The following SNX29 variants were observed in gnomAD, a reference collection of about 807,000 sequenced individuals.
SNX29 encodes sorting nexin 29.
A neutral mutation model predicts 102.1 loss-of-function variants in SNX29; 78 were observed. That is an observed-to-expected ratio of 0.76 (90% CI 0.64 to 0.92). SNX29 has a LOEUF of 0.92. Among genes scored for constraint, SNX29 ranks in the 40% least tolerant of loss-of-function variants. The probability of loss-of-function intolerance (pLI) is 0.00; values close to 1 mark genes in which losing one functional copy is unlikely to be tolerated. For synonymous variants in SNX29, 580 were observed against 414.5 expected (o/e 1.40, Z -4.85); for missense variants, 1,280 against 1,061.7 (o/e 1.21, Z -2.86).
chr16:12,414,557 C>T (rs1010771186), intron 18 of SNX29, among the ~76,000 whole-genome samples: 9 of 152,282 alleles, frequency 5.9e-5, no homozygotes, highest in South Asian at 4.1e-4. Flanking sequence ...GTGATTCCCC[C>T]GGTCTCTTTC....
intron 4 of SNX29, among the ~76,000 whole-genome samples, chr16:12,029,212 GA>G (rs1213399767): frequency 1.3e-5 from 2 of 151,344 alleles, no homozygotes; most frequent in African/African-American, 4.9e-5. Flanking sequence ...CTCATTTGTA[GA>G]AATGAGTTGT....
At chr16:12,552,483 C>T (rs1465655866) in intron 20 of SNX29, among the ~76,000 whole-genome samples, 1 of 152,166 alleles carries the variant, frequency 6.6e-6, no homozygotes, top group Non-Finnish European at 1.5e-5. Flanking sequence ...AACGATTGGG[C>T]CTCAGGAATC....
intron 20 of SNX29, among the ~76,000 whole-genome samples, chr16:12,532,988 C>T (rs936184233): frequency 3.3e-5 from 5 of 152,226 alleles, no homozygotes; most frequent in Non-Finnish European, 4.4e-5. Flanking sequence ...GCTGTGGTGG[C>T]ATCCCTGAGC....
chr16:12,502,832 G>A lies in SNX29; in HGVS notation c.2179-21870G>A, dbSNP rs569099794. Among the ~76,000 whole-genome samples the A allele has an allele frequency of 3.3e-5, 5 of 152,244 alleles. No homozygotes were observed. The South Asian group carries it at 8.3e-4, about 25-fold the overall frequency. On this transcript the variant is annotated intron_variant, in intron 19 of 20. Coordinates refer to ENST00000566228, the MANE Select transcript of SNX29 (RefSeq NM_032167.5). ...TTTCGTATCACATTGCGGTTGCTGCGATGTTTCCAGCCATCATTAAAGCTC... is the reference window on the plus strand; with the variant it reads ...TTTCGTATCACATTGCGGTTGCTGCAATGTTTCCAGCCATCATTAAAGCTC...
At chr16:12,337,603 A>C (rs1030646045) in intron 15 of SNX29, among the ~76,000 whole-genome samples, 2 of 152,178 alleles carry the variant, frequency 1.3e-5, no homozygotes, top group African/African-American at 4.8e-5. Context: ...CGGCCTGCGA[A>C]AGTGCTAGGA....
At position 12,143,105 on chromosome 16, in the gene SNX29, C is replaced by T. The variant is rs4781185; in HGVS notation, c.1595+13347C>T. On this transcript the variant is annotated intron_variant, in intron 13 of 20. Transcript: ENST00000566228. The stretch of plus-strand genomic sequence containing the variant: ...CTCTGCCTCCTGGGTGCAAGCGATT[C>T]TCCTGCCTCAGCCTCCTGAGTACCT... 3.0e-3 allele frequency among the ~76,000 whole-genome samples: 461 copies of T among 152,024 alleles called. 11 individuals are homozygous for T. Among genetic ancestry groups the T allele is most frequent in the Admixed American group, 0.028 (431 of 15,278 alleles).
At chr16:12,538,596 G>C (rs1406209636) in intron 20 of SNX29, among the ~76,000 whole-genome samples, 1 of 152,174 alleles carries the variant, frequency 6.6e-6, no homozygotes, top group African/African-American at 2.4e-5. Flanking sequence ...CTGGGAATCA[G>C]TAGGTGGATG....
At chr16:12,565,520 C>T (rs1178853337) in intron 20 of SNX29, among the ~76,000 whole-genome samples, 2 of 152,204 alleles carry the variant, frequency 1.3e-5, no homozygotes, top group African/African-American at 2.4e-5. Flanking sequence ...CATGGCTCTG[C>T]TCCACATGGC....
chr16:12,410,711 G>C (rs1374128898), intron 18 of SNX29, among the ~76,000 whole-genome samples: 1 of 152,194 alleles, frequency 6.6e-6, no homozygotes, highest in Non-Finnish European at 1.5e-5. Context: ...TGGGATTACA[G>C]GTGCAAGCCA....
intron 13 of SNX29, among the ~76,000 whole-genome samples, chr16:12,172,234 T>C (rs1396478627): frequency 6.6e-6 from 1 of 152,106 alleles, no homozygotes; most frequent in Non-Finnish European, 1.5e-5. Context: ...AAAAGGAAGA[T>C]GGCAAACTCT....
intron 18 of SNX29, among the ~76,000 whole-genome samples, chr16:12,477,011 C>T (rs2087685886): frequency 6.6e-6 from 1 of 152,184 alleles, no homozygotes; most frequent in South Asian, 2.1e-4. Context: ...TCCTGCTTCT[C>T]TGTTTTTCCT....
intron 20 of SNX29, among the ~76,000 whole-genome samples, chr16:12,547,930 C>CA (rs1424166808): frequency 6.6e-6 from 1 of 152,162 alleles, no homozygotes; most frequent in Non-Finnish European, 1.5e-5. Context: ...AGGGATACCT[C>CA]AATTCCCAGT....
At chr16:12,408,181 A>AAAAAAAAAAAAC (rs1567533282) in intron 18 of SNX29, among the ~76,000 whole-genome samples, 1 of 148,662 alleles carries the variant, frequency 6.7e-6, no homozygotes, top group African/African-American at 2.5e-5. Context: ...AACAAACAAA[A>AAAAAAAAAAAAC]AAAAAACTAG....
chr16:12,540,295 C>G (rs76856542), intron 20 of SNX29, among the ~76,000 whole-genome samples: 25 of 152,216 alleles, frequency 1.6e-4, no homozygotes, highest in African/African-American at 4.6e-4. Context: ...AGAGGCATTA[C>G]GGGGTGGCCC....
At position 12,047,252 on chromosome 16, in the gene SNX29, T is replaced by C. The variant is rs1284678518; in HGVS notation, c.499+798T>C. Among the ~76,000 whole-genome samples the C allele has an allele frequency of 2.0e-5, 3 of 152,174 alleles. 1 individual carries two copies. Among genetic ancestry groups the C allele is most frequent in the African/African-American group, 7.2e-5 (3 of 41,430 alleles). The stretch of plus-strand genomic sequence containing the variant: ...GGGTTGATGTTAGTCGGTGGACTGT[T>C]ACGTTGTTCGCCCTTTGACTCAAAG... On this transcript the variant is annotated intron_variant, in intron 6 of 20. Transcript: ENST00000566228.
At chr16:12,308,744 T>C (rs2080432331) in intron 15 of SNX29, among the ~76,000 whole-genome samples, 3 of 152,034 alleles carry the variant, frequency 2.0e-5, no homozygotes, top group Non-Finnish European at 4.4e-5. Context: ...TAAACACGAG[T>C]CCATCAGTTT....
At chr16:12,009,319 G>T (rs1221856414) in intron 3 of SNX29, among the ~76,000 whole-genome samples, 1 of 151,922 alleles carries the variant, frequency 6.6e-6, no homozygotes, top group Non-Finnish European at 1.5e-5. Context: ...GAGCCTAAAT[G>T]GTGCACCGTA....
At chr16:12,212,161 T>G (rs1179551242) in intron 14 of SNX29, among the ~76,000 whole-genome samples, 1 of 152,178 alleles carries the variant, frequency 6.6e-6, no homozygotes, top group East Asian at 1.9e-4. Flanking sequence ...GCAGCCTCTG[T>G]GTGACTGGCT....
At chr16:12,191,421 C>A (rs147825929) in intron 13 of SNX29, among the ~76,000 whole-genome samples, 2 of 152,282 alleles carry the variant, frequency 1.3e-5, no homozygotes, top group Non-Finnish European at 2.9e-5. Context: ...CATGACTTAC[C>A]TCCTCTGTAG....
Sources: gnomAD v4.1 joint callset for allele counts (sites outside exome capture counted in the v4.1 genomes callset) on GRCh38, gnomAD v4.1.1 for gene constraint, MANE v1.5 for transcripts, NCBI Gene and HGNC (gene_info 2026-07-23, HGNC 2026-07-21) for gene names.